Variants in HTR7 observed in about 807,000 individuals in gnomAD.
HTR7 encodes the protein 5-hydroxytryptamine receptor 7.
HTR7 carries 16 observed loss-of-function variants against 34.0 expected under a neutral mutation model. That is an observed-to-expected ratio of 0.47 (90% CI 0.32 to 0.71). The LOEUF is 0.71. Ranked by LOEUF, HTR7 falls within the 30% of genes least tolerant of loss-of-function variation. HTR7 has a pLI of 0.04. For missense variants in HTR7, 504 were observed against 625.5 expected, an observed-to-expected ratio of 0.81 and a Z score of 2.07; for synonymous variants, 265 against 260.2, an observed-to-expected ratio of 1.02 and a Z score of -0.18.
At position 90,742,540 on chromosome 10, in the gene HTR7, A is replaced by G. The variant is rs774216968; in HGVS notation, c.1394-12T>C. On this transcript the variant is annotated splice_polypyrimidine_tract_variant and intron_variant, in intron 3 of 3. Transcript: ENST00000336152. ...AGTCAGCATTTTGTCTAAAAAAAAG[A>G]GAGAGAAAAATAGAAAATAATTTAG... The G allele has an allele frequency of 6.4e-7, 1 of 1,555,100 alleles. No homozygotes were observed. Among genetic ancestry groups the G allele is most frequent in the Middle Eastern group, 1.7e-4 (1 of 5,938 alleles).
At chr10:90,836,557 G>A (rs543109780) in intron 1 of HTR7, among the ~76,000 whole-genome samples, 66 of 129,988 alleles carry the variant, frequency 5.1e-4, no homozygotes, top group South Asian at 2.3e-4. Context: ...TGTTGCTCAC[G>A]CTGGAGTACA....
intron 1 of HTR7, among the ~76,000 whole-genome samples, chr10:90,855,886 A>C (rs568206270): frequency 2.6e-5 from 4 of 152,258 alleles, no homozygotes; most frequent in Non-Finnish European, 5.9e-5. Flanking sequence ...TTTCTTCTTG[A>C]AAATATTCCC....
chr10:90,832,465 C>T (rs534100618), intron 1 of HTR7, among the ~76,000 whole-genome samples: 2 of 152,310 alleles, frequency 1.3e-5, no homozygotes, highest in African/African-American at 4.8e-5. Flanking sequence ...CAGCCGGCTG[C>T]TCCGAGTGCG....
intron 1 of HTR7, among the ~76,000 whole-genome samples, chr10:90,779,347 G>A (rs936546880): frequency 6.6e-6 from 1 of 152,174 alleles, no homozygotes; most frequent in Non-Finnish European, 1.5e-5. Context: ...AATAAAACCT[G>A]ATGTGATTGT....
intron 1 of HTR7, among the ~76,000 whole-genome samples, chr10:90,765,790 A>G (rs1845012051): frequency 6.6e-6 from 1 of 152,178 alleles, no homozygotes; most frequent in Non-Finnish European, 1.5e-5. Flanking sequence ...TTGGTTGTTC[A>G]GAACTATGTT....
At chr10:90,855,567 T>C (rs1846567234) in intron 1 of HTR7, among the ~76,000 whole-genome samples, 2 of 152,264 alleles carry the variant, frequency 1.3e-5, no homozygotes, top group Admixed American at 6.5e-5. Context: ...TCTGTTTTGG[T>C]TGGCTGAGCA....
At chr10:90,833,190 C>T (rs1443411792) in intron 1 of HTR7, among the ~76,000 whole-genome samples, 2 of 152,212 alleles carry the variant, frequency 1.3e-5, no homozygotes, top group East Asian at 1.9e-4. Flanking sequence ...AAGTATACAC[C>T]AAGGTCAGCC....
rs759417096 is a variant in HTR7 at position 90,749,255 on chromosome 10, C to G, written c.879G>C (p.Val293=). ...PDSVIALNGI[V]KLQKEVEECA... is the part of the protein sequence containing the mutation. Reference sequence around the variant, plus strand: ...ACTCTTCCACCTCCTTCTGGAGCTTCACTATGCCATTCAGGGCGATGACGC... The same window carrying G: ...ACTCTTCCACCTCCTTCTGGAGCTTGACTATGCCATTCAGGGCGATGACGC... The change falls in exon 2 of 4, where the codon GTG becomes GTC. Residue 293 remains valine, a synonymous_variant. Coordinates refer to ENST00000336152, the MANE Select transcript of HTR7 (RefSeq NM_019859.4). This position sits in a 1 kb window ranked among gnomAD's most constrained non-coding sequence, Gnocchi z 4.2. 2 of 1,613,964 alleles carry G rather than the reference C, an allele frequency of 1.2e-6. No individual in the cohort carries two copies. The highest frequency in any genetic ancestry group is 1.7e-6 in the Non-Finnish European group (2 of 1,180,004).
intron 1 of HTR7, among the ~76,000 whole-genome samples, chr10:90,814,064 A>G (rs1041554986): frequency 9.2e-5 from 14 of 152,158 alleles, no homozygotes; most frequent in Admixed American, 9.2e-4. Context: ...CTCCGCTCCT[A>G]AACCCACTTC....
chr10:90,778,961 C>A (rs1422806759), intron 1 of HTR7, among the ~76,000 whole-genome samples: 1 of 152,310 alleles, frequency 6.6e-6, no homozygotes, highest in South Asian at 2.1e-4. Flanking sequence ...TCCTGCATAA[C>A]CCCCAGCTGG....
intron 1 of HTR7, among the ~76,000 whole-genome samples, chr10:90,786,299 C>G (rs1845379597): frequency 6.6e-6 from 1 of 152,224 alleles, no homozygotes; most frequent in Non-Finnish European, 1.5e-5. Flanking sequence ...ACTTCATTAT[C>G]AGGAAAATGC....
intron 1 of HTR7, among the ~76,000 whole-genome samples, chr10:90,778,792 T>C (rs558388930): frequency 2.0e-5 from 3 of 152,354 alleles, no homozygotes; most frequent in African/African-American, 7.2e-5. Context: ...TCTAAATGTG[T>C]CTCCATTCCT....
At chr10:90,791,229 A>C (rs991944093) in intron 1 of HTR7, among the ~76,000 whole-genome samples, 2 of 151,188 alleles carry the variant, frequency 1.3e-5, no homozygotes, top group African/African-American at 2.5e-5. Context: ...TTACATTTAG[A>C]GAATACAGAT....
intron 1 of HTR7, among the ~76,000 whole-genome samples, chr10:90,793,511 TA>T (rs1180224023): frequency 7.8e-6 from 1 of 128,818 alleles, no homozygotes; most frequent in Non-Finnish European, 1.6e-5. Context: ...ATATTATTTT[TA>T]AAAAAACAAT....
chr10:90,822,166 A>T (rs1276729619), intron 1 of HTR7, among the ~76,000 whole-genome samples: 1 of 152,238 alleles, frequency 6.6e-6, no homozygotes, highest in African/African-American at 2.4e-5. Flanking sequence ...TCAGAAGAAG[A>T]CAGAAAGATG....
chr10:90,773,317 T>C (rs980856762), intron 1 of HTR7, among the ~76,000 whole-genome samples: 1 of 152,158 alleles, frequency 6.6e-6, no homozygotes, highest in African/African-American at 2.4e-5. Flanking sequence ...TAGGTGTCAT[T>C]CTTTTTTTTT....
At chr10:90,838,922 T>C (rs1846288289) in intron 1 of HTR7, among the ~76,000 whole-genome samples, 1 of 152,242 alleles carries the variant, frequency 6.6e-6, no homozygotes, top group Non-Finnish European at 1.5e-5. Flanking sequence ...TTTTAACTTA[T>C]CTGTTTCTTA....
At chr10:90,803,540 G>A (rs1845660962) in intron 1 of HTR7, among the ~76,000 whole-genome samples, 1 of 152,184 alleles carries the variant, frequency 6.6e-6, no homozygotes, top group African/African-American at 2.4e-5. Context: ...ATCTTATCAG[G>A]AAGCTGCTGA....
chr10:90,762,069 A>G (rs1456176180), intron 1 of HTR7, among the ~76,000 whole-genome samples: 1 of 152,232 alleles, frequency 6.6e-6, no homozygotes, highest in Non-Finnish European at 1.5e-5. Flanking sequence ...GCTTGGCTAT[A>G]GTAAATAGTG....
Sources: allele counts gnomAD v4.1 joint callset (sites outside exome capture counted in the v4.1 genomes callset), GRCh38; gene constraint gnomAD v4.1.1; non-coding constraint Gnocchi (gnomAD v3.1); transcripts MANE v1.5; gene names NCBI Gene and HGNC (gene_info 2026-07-23, HGNC 2026-07-21).